RGS8: variants seen among roughly 807,000 people sequenced by gnomAD.
RGS8 encodes the protein regulator of G protein signaling 8.
A neutral mutation model predicts 21.7 loss-of-function variants in RGS8; 8 were observed. That is an observed-to-expected ratio of 0.37 (90% CI 0.22 to 0.66). The LOEUF is 0.66. RGS8 is among the 30% of genes least tolerant of loss of function. The pLI is 0.59. For synonymous variants in RGS8, 80 were observed against 83.6 expected (o/e 0.96, Z 0.24); for missense variants, 157 against 217.9 (o/e 0.72, Z 1.76).
chr1:182,742,706 C>T, the RGS8 span, among the ~76,000 whole-genome samples: 130 of 152,094 alleles, frequency 8.5e-4, no homozygotes, highest in African/African-American at 2.3e-3. Context: ...CCAGCTTTGG[C>T]TCGGCATCAG....
intron 5 of RGS8, among the ~76,000 whole-genome samples, chr1:182,653,038 C>T (rs1409604953): frequency 6.6e-6 from 1 of 152,176 alleles, no homozygotes; most frequent in Non-Finnish European, 1.5e-5. Flanking sequence ...GGATAGCATA[C>T]ACCAAGAGGC....
intron 5 of RGS8, among the ~76,000 whole-genome samples, chr1:182,655,723 GCA>G (rs1441764959): frequency 6.6e-6 from 1 of 152,200 alleles, no homozygotes; most frequent in Non-Finnish European, 1.5e-5. Context: ...GGTAGAGTTA[GCA>G]CTCTGTTCGG....
In RGS8 at chr1:182,666,750, T is replaced by C. The variant is rs536378164; in HGVS notation, c.128+122A>G. 175 of 708,374 alleles carry C rather than the reference T, an allele frequency of 2.5e-4. 1 individual carries two copies. The South Asian group carries it at 2.7e-3, about 11-fold the overall frequency. 43.9% of individuals were successfully genotyped at this position (708,374 alleles called of 1,614,324 possible). On this transcript the variant is annotated intron_variant, in intron 4 of 6. Transcript: ENST00000483095. ...TTCCTTTCACTCACGTCCAGGGATA[T>C]AAAAGGAGCTGCCAAGAGACAGGAT...
At chr1:182,691,624 A>G in the RGS8 span, among the ~76,000 whole-genome samples, 1 of 150,636 alleles carries the variant, frequency 6.6e-6, no homozygotes, top group African/African-American at 2.4e-5. Flanking sequence ...AAAAAAAAAA[A>G]AAAAAAAAAA....
chr1:182,693,695 C>CA, the RGS8 span, among the ~76,000 whole-genome samples: 3 of 152,188 alleles, frequency 2.0e-5, no homozygotes, highest in Non-Finnish European at 4.4e-5. Flanking sequence ...GCACTATTCA[C>CA]AATAGCAAAG....
intron 5 of RGS8, among the ~76,000 whole-genome samples, chr1:182,654,367 G>GA (rs1663165393): frequency 1.3e-5 from 2 of 151,942 alleles, no homozygotes; most frequent in Admixed American, 6.5e-5. Flanking sequence ...CAAAGGCAAA[G>GA]AAAAAAGGAA....
chr1:182,649,980 C>T (rs1033008822), intron 5 of RGS8, among the ~76,000 whole-genome samples: 8 of 151,252 alleles, frequency 5.3e-5, no homozygotes, highest in Admixed American at 3.3e-4. Flanking sequence ...GGCACAGTTC[C>T]GACTCACTGC....
At chr1:182,680,173 G>A (rs1446193400) in intron 1 of RGS8, among the ~76,000 whole-genome samples, 1 of 152,060 alleles carries the variant, frequency 6.6e-6, no homozygotes, top group Admixed American at 6.6e-5. Context: ...TCACAAACAT[G>A]ACTGCATTTC....
chr1:182,709,525 T>G, the RGS8 span, among the ~76,000 whole-genome samples: 4 of 152,110 alleles, frequency 2.6e-5, no homozygotes, highest in African/African-American at 9.7e-5. Context: ...AGGGACTGAG[T>G]TTATTTAGCT....
chr1:182,742,446 A>C, the RGS8 span, among the ~76,000 whole-genome samples: 4 of 152,238 alleles, frequency 2.6e-5, no homozygotes, highest in Admixed American at 2.6e-4. Context: ...CAGCCTGGGC[A>C]CCATTGAGCA....
the RGS8 span, among the ~76,000 whole-genome samples, chr1:182,747,909 T>C: frequency 1.3e-5 from 2 of 152,308 alleles, no homozygotes; most frequent in African/African-American, 4.8e-5. Context: ...TTTTCTTTTT[T>C]GTTTTGTCTG....
the RGS8 span, among the ~76,000 whole-genome samples, chr1:182,692,902 C>T: frequency 3.9e-5 from 6 of 152,244 alleles, no homozygotes; most frequent in East Asian, 1.2e-3. Flanking sequence ...TCAGTAAATG[C>T]TGCTGGAATA....
the RGS8 span, among the ~76,000 whole-genome samples, chr1:182,696,477 C>T: frequency 1.3e-5 from 2 of 152,078 alleles, no homozygotes; most frequent in Non-Finnish European, 2.9e-5. Flanking sequence ...CATGTCCCAG[C>T]CCCCCGAGTA....
At chr1:182,688,709 G>A (rs1664758279), upstream of RGS8, among the ~76,000 whole-genome samples, 1 of 152,138 alleles carries the variant, frequency 6.6e-6, no homozygotes, top group Admixed American at 6.5e-5. Context: ...CTATGAGAGG[G>A]ACTCAACCCA....
At chr1:182,697,416 C>A in the RGS8 span, among the ~76,000 whole-genome samples, 1 of 152,214 alleles carries the variant, frequency 6.6e-6, no homozygotes, top group East Asian at 1.9e-4. Flanking sequence ...CCCTTGCTAA[C>A]AAGAAGGAAA....
intron 1 of RGS8, among the ~76,000 whole-genome samples, chr1:182,679,814 C>T (rs770712302): frequency 2.6e-5 from 4 of 152,038 alleles, no homozygotes; most frequent in Admixed American, 6.6e-5. Flanking sequence ...ACCACGCCCA[C>T]CTCCCACTCC....
the RGS8 span, among the ~76,000 whole-genome samples, chr1:182,701,940 G>A: frequency 2.6e-5 from 4 of 152,094 alleles, no homozygotes; most frequent in African/African-American, 7.2e-5. Context: ...AACAACAGAC[G>A]CTGGTGAGGC....
At chr1:182,644,778 A>T (rs1018015937), downstream of RGS8, 9 of 152,244 alleles carry the variant, frequency 5.9e-5, no homozygotes, top group Admixed American at 3.9e-4. Context: ...TTAATCATTA[A>T]ATTAATTCTG....
chr1:182,706,301 TTA>T, the RGS8 span, among the ~76,000 whole-genome samples: 1 of 152,056 alleles, frequency 6.6e-6, no homozygotes, highest in African/African-American at 2.4e-5. Context: ...GAGATATGTT[TTA>T]TATGTCAGGA....
Sources: allele counts gnomAD v4.1 joint callset (sites outside exome capture counted in the v4.1 genomes callset), GRCh38; gene constraint gnomAD v4.1.1; transcripts MANE v1.5; gene names NCBI Gene and HGNC (gene_info 2026-07-23, HGNC 2026-07-21).